NRCAM: variants seen among roughly 807,000 people sequenced by gnomAD.
The protein encoded by NRCAM is neuronal cell adhesion molecule.
NRCAM carries 83 observed loss-of-function variants against 156.5 expected under a neutral mutation model. The observed-to-expected ratio is 0.53, with a 90% confidence interval of 0.44 to 0.64. NRCAM has a LOEUF of 0.64. NRCAM is among the 30% of genes least tolerant of loss of function. The pLI is 0.00. For synonymous variants in NRCAM, 538 were observed against 563.9 expected, an observed-to-expected ratio of 0.95 and a Z score of 0.65; for missense variants, 1,417 against 1,597.3, an observed-to-expected ratio of 0.89 and a Z score of 1.92.
chr7:108,247,763 GA>G (rs1240812646), intron 3 of NRCAM, among the ~76,000 whole-genome samples: 1 of 152,130 alleles, frequency 6.6e-6, no homozygotes, highest in African/African-American at 2.4e-5. Flanking sequence ...CCATCTCCGT[GA>G]ATCATACTAG....
chr7:108,430,900 A>G (rs1824181218), intron 1 of NRCAM, among the ~76,000 whole-genome samples: 1 of 152,112 alleles, frequency 6.6e-6, no homozygotes, highest in Non-Finnish European at 1.5e-5. Flanking sequence ...CACCCAACCC[A>G]TACTGCACTG....
chr7:108,430,755 G>A (rs539185669), intron 1 of NRCAM, among the ~76,000 whole-genome samples: 3 of 152,076 alleles, frequency 2.0e-5, no homozygotes, highest in African/African-American at 7.2e-5. Flanking sequence ...TTTCAGTCTG[G>A]CAAACTTCTA....
intron 8 of NRCAM, among the ~76,000 whole-genome samples, chr7:108,228,413 C>T (rs1013252387): frequency 3.3e-5 from 5 of 151,872 alleles, no homozygotes; most frequent in Non-Finnish European, 5.9e-5. Context: ...GTTTCTCCTG[C>T]TGTAGCAATA....
intron 32 of NRCAM, among the ~76,000 whole-genome samples, chr7:108,153,313 A>T (rs935487782): frequency 3.5e-4 from 53 of 152,124 alleles, no homozygotes; most frequent in Non-Finnish European, 7.1e-4. Context: ...CAATTCATAT[A>T]ATTCATTATT....
chr7:108,167,031 C>G lies in NRCAM; in HGVS notation c.3356G>C (p.Ser1119Thr), dbSNP rs947955653. ...CATTAGACCCTTTAACCCAAAGAAG[C>G]TCCGAGAACCATTTACAATTTCTTT... ...WRKEIVNGSR[S>T]FFGLKGLMPG... Residue 1119 changes from serine to threonine, a missense_variant, in exon 30 of 33, where the codon AGC becomes ACC. Transcript: ENST00000379028. 1 of 1,613,934 alleles carries G rather than the reference C, an allele frequency of 6.2e-7. No homozygotes were observed.
At chr7:108,224,763 C>T (rs2093142758) in intron 10 of NRCAM, among the ~76,000 whole-genome samples, 1 of 152,096 alleles carries the variant, frequency 6.6e-6, no homozygotes, top group Non-Finnish European at 1.5e-5. Context: ...AATTAGTTTT[C>T]CTAAGAATTT....
At chr7:108,348,039 A>G (rs2099381228) in intron 2 of NRCAM, among the ~76,000 whole-genome samples, 1 of 152,236 alleles carries the variant, frequency 6.6e-6, no homozygotes. Flanking sequence ...CTAGAACAGC[A>G]TTCTGTATTC....
chr7:108,168,348 T>C lies in NRCAM; in HGVS notation c.3242A>G (p.Tyr1081Cys), dbSNP rs534671710. Residue 1081 changes from tyrosine (Y) to cysteine (C), a missense_variant, in exon 29 of 33, where the codon TAT becomes TGT. Around this residue, in one of 2 missense-constraint regions of NRCAM, gnomAD observed 1,238 missense variants for 1,336.4 expected, o/e 0.93. Coordinates refer to ENST00000379028, the MANE Select transcript of NRCAM (RefSeq NM_001037132.4). ...CTCATATTCCCAACTGATATTGGCA[T>C]AGGTCTCAGCAGCTGCAGCAGTAAG... is the stretch of plus-strand genomic sequence containing the variant. ...SNLTAAAAET[Y>C]ANISWEYEGP... is the part of the protein sequence containing the mutation. The C allele has an allele frequency of 3.1e-6, 5 of 1,610,172 alleles. No homozygotes were observed. In the East Asian group the frequency reaches 6.7e-5, roughly 22 times the overall value.
intron 1 of NRCAM, among the ~76,000 whole-genome samples, chr7:108,432,760 A>G (rs939438318): frequency 2.6e-5 from 4 of 152,054 alleles, no homozygotes; most frequent in African/African-American, 9.7e-5. Context: ...AAATCAGCCA[A>G]GTGTGGTGGT....
intron 2 of NRCAM, among the ~76,000 whole-genome samples, chr7:108,396,276 G>A (rs556864462): frequency 3.3e-5 from 5 of 152,196 alleles, no homozygotes; most frequent in South Asian, 2.1e-4. Context: ...GGCAGCTTTC[G>A]GGATGAGTGA....
intron 1 of NRCAM, among the ~76,000 whole-genome samples, chr7:108,455,136 G>C (rs1052821104): frequency 1.3e-5 from 2 of 152,150 alleles, no homozygotes; most frequent in East Asian, 3.9e-4. Context: ...CTCCAGCAGC[G>C]CTTGCGGCCC....
chr7:108,197,859 C>T (rs2075978572), intron 14 of NRCAM, 97 bp downstream of exon 14: 2 of 898,430 alleles, frequency 2.2e-6, no homozygotes, highest in Non-Finnish European at 3.3e-6. Context: ...CTGTGCATTG[C>T]ACATAGTAGA....
rs562990485 is a variant in NRCAM at position 108,207,674 on chromosome 7, G to GA, written c.1076-16dup. 1,501 of 1,576,794 alleles carry GA rather than the reference G, an allele frequency of 9.5e-4. 8 individuals carry two copies. The African/African-American group carries it at 0.016, about 17-fold the overall frequency. ...GTATGGAGCCGCTTTATAGGAGGAA[G>GA]AAAAAAGACCAAAAATCTGAATCAA... On this transcript the variant is annotated splice_polypyrimidine_tract_variant and intron_variant, in intron 12 of 32. Transcript: ENST00000379028.
At chr7:108,228,327 A>AG in intron 8 of NRCAM, among the ~76,000 whole-genome samples, 1 of 149,674 alleles carries the variant, frequency 6.7e-6, no homozygotes, top group African/African-American at 2.4e-5. Context: ...ATCTAAAACA[A>AG]AAAAAAAAAC....
chr7:108,306,435 C>G (rs1337341498), intron 3 of NRCAM, among the ~76,000 whole-genome samples: 2 of 152,170 alleles, frequency 1.3e-5, no homozygotes, highest in Non-Finnish European at 2.9e-5. Context: ...CAAGGCACAG[C>G]AGGCAATGCC....
In NRCAM at chr7:108,399,044, G is replaced by A. The variant is rs1005208312; in HGVS notation, c.-174+392C>T. ...AAAGTGTTTTCATAAAAGTTATATC[G>A]TTTGATCCTTAAAACAACCCAAGAA... On this transcript the variant is annotated intron_variant, in intron 2 of 32. Coordinates refer to ENST00000379028, the MANE Select transcript of NRCAM (RefSeq NM_001037132.4). Among the ~76,000 whole-genome samples, 8 of 152,140 alleles carry A rather than the reference G, an allele frequency of 5.3e-5. No individual in the cohort carries two copies. In the South Asian group the frequency reaches 6.2e-4, roughly 12 times the overall value.
chr7:108,321,431 CTT>C (rs917213076), intron 2 of NRCAM, among the ~76,000 whole-genome samples: 1 of 152,134 alleles, frequency 6.6e-6, no homozygotes, highest in African/African-American at 2.4e-5. Context: ...GTCTCAGACT[CTT>C]TTAAACAATC....
chr7:108,238,791 AT>A (rs1215757439), intron 4 of NRCAM, among the ~76,000 whole-genome samples: 1 of 151,932 alleles, frequency 6.6e-6, no homozygotes, highest in South Asian at 2.1e-4. Flanking sequence ...CACTGGATGA[AT>A]TTTTTTTAAA....
intron 3 of NRCAM, among the ~76,000 whole-genome samples, chr7:108,267,583 A>T (rs1155): frequency 0.45 from 68,391 of 152,146 alleles, 17,476 homozygotes; most frequent in East Asian, 0.86. Flanking sequence ...TTAAAATTTC[A>T]CACATTTTTT....
Sources: gnomAD v4.1 joint callset for allele counts (sites outside exome capture counted in the v4.1 genomes callset) on GRCh38, gnomAD v4.1.1 for gene constraint, gnomAD v4.1.1 regional missense constraint, MANE v1.5 for transcripts, NCBI Gene and HGNC (gene_info 2026-07-23, HGNC 2026-07-21) for gene names.